The following DLG2 variants were observed in gnomAD, a reference collection of about 807,000 sequenced individuals.
DLG2 encodes discs large MAGUK scaffold protein 2, also known as disks large homolog 2.
DLG2 carries 45 observed loss-of-function variants against 132.5 expected under a neutral mutation model. The observed-to-expected ratio is 0.34, with a 90% CI of 0.27 to 0.44. The LOEUF (loss-of-function observed/expected upper bound fraction) is 0.44. DLG2 is among the 20% of genes least tolerant of loss of function. The pLI is 1.00. For synonymous variants in DLG2, 424 were observed against 419.6 expected (o/e 1.01, Z -0.13); for missense variants, 1,045 against 1,196.9 (o/e 0.87, Z 1.87).
At chr11:83,709,979 T>G (rs1335767371) in intron 18 of DLG2, among the ~76,000 whole-genome samples, 2 of 152,152 alleles carry the variant, frequency 1.3e-5, no homozygotes, top group Non-Finnish European at 2.9e-5. Context: ...GTCTCACTGT[T>G]GTGGGTGAGC....
chr11:83,600,711 C>G (rs557632143), intron 19 of DLG2, among the ~76,000 whole-genome samples: 1 of 152,350 alleles, frequency 6.6e-6, no homozygotes, highest in South Asian at 2.1e-4. Context: ...TCTGAAAACT[C>G]CTACCTTTCC....
intron 6 of DLG2, among the ~76,000 whole-genome samples, chr11:84,646,562 G>A (rs1639237089): frequency 6.6e-6 from 1 of 151,702 alleles, no homozygotes; most frequent in Non-Finnish European, 1.5e-5. Context: ...TTACTTGGAT[G>A]TTTCAGTCTG....
At chr11:85,193,432 G>C (rs1456052346) in intron 4 of DLG2, among the ~76,000 whole-genome samples, 1 of 152,130 alleles carries the variant, frequency 6.6e-6, no homozygotes, top group African/African-American at 2.4e-5. Flanking sequence ...TATATACCTA[G>C]AAGTGGAATT....
chr11:85,592,153 T>C (rs1591104512), intron 3 of DLG2, among the ~76,000 whole-genome samples: 2 of 152,376 alleles, frequency 1.3e-5, no homozygotes, highest in Admixed American at 1.3e-4. Flanking sequence ...ACTTTCTTAA[T>C]TGACCTTAAG....
At chr11:85,218,739 C>G (rs892124614) in intron 4 of DLG2, among the ~76,000 whole-genome samples, 3 of 152,072 alleles carry the variant, frequency 2.0e-5, no homozygotes, top group Admixed American at 2.0e-4. Context: ...GAAAATAAGT[C>G]ATTCTACCAA....
intron 3 of DLG2, among the ~76,000 whole-genome samples, chr11:85,516,781 A>C (rs1198076941): frequency 6.6e-6 from 1 of 152,078 alleles, no homozygotes; most frequent in African/African-American, 2.4e-5. Flanking sequence ...TCAGTAATAA[A>C]AACTTTCCCA....
At chr11:85,324,294 T>G (rs2152830406) in intron 3 of DLG2, among the ~76,000 whole-genome samples, 1 of 152,286 alleles carries the variant, frequency 6.6e-6, no homozygotes, top group South Asian at 2.1e-4. Context: ...ACCGCCTTGT[T>G]GACATCACAC....
chr11:84,928,835 A>G (rs1410890164), intron 6 of DLG2, among the ~76,000 whole-genome samples: 1 of 151,154 alleles, frequency 6.6e-6, no homozygotes, highest in South Asian at 2.1e-4. Flanking sequence ...TAATGCATTT[A>G]TATACCTGGA....
intron 18 of DLG2, among the ~76,000 whole-genome samples, chr11:83,783,855 C>G (rs913737872): frequency 1.3e-5 from 2 of 152,060 alleles, no homozygotes; most frequent in Admixed American, 6.5e-5. Context: ...TTCCATAATT[C>G]CTAGAAATAC....
chr11:83,596,525 C>T (rs952227799), intron 19 of DLG2, among the ~76,000 whole-genome samples: 4 of 152,250 alleles, frequency 2.6e-5, no homozygotes, highest in South Asian at 4.1e-4. Flanking sequence ...GTTTACCAAC[C>T]TCTGGTCTCA....
At chr11:84,679,826 C>T (rs373480739) in intron 6 of DLG2, among the ~76,000 whole-genome samples, 30 of 152,160 alleles carry the variant, frequency 2.0e-4, no homozygotes, top group African/African-American at 7.2e-4. Flanking sequence ...CAGTCTGGAT[C>T]CAGACCCCAG....
chr11:84,190,906 A>AG (rs1176016846), intron 8 of DLG2, among the ~76,000 whole-genome samples: 1 of 152,250 alleles, frequency 6.6e-6, no homozygotes, highest in Non-Finnish European at 1.5e-5. Context: ...ATTGATAAAG[A>AG]GAAAAAATGA....
intron 6 of DLG2, among the ~76,000 whole-genome samples, chr11:84,840,765 C>T (rs1016467731): frequency 2.0e-5 from 3 of 152,012 alleles, no homozygotes; most frequent in Admixed American, 1.3e-4. Flanking sequence ...ACTACATGTT[C>T]TCACTCATAG....
chr11:83,989,633 C>T (rs899421831), intron 11 of DLG2, among the ~76,000 whole-genome samples: 1 of 152,180 alleles, frequency 6.6e-6, no homozygotes, highest in African/African-American at 2.4e-5. Context: ...ACCAACATGT[C>T]TTCAGATTCC....
chr11:83,983,126 A>T (rs2092944765), intron 11 of DLG2, among the ~76,000 whole-genome samples: 1 of 152,120 alleles, frequency 6.6e-6, no homozygotes, highest in Admixed American at 6.6e-5. Flanking sequence ...TTATTATGAG[A>T]TCATTTTAAA....
intron 15 of DLG2, among the ~76,000 whole-genome samples, chr11:83,889,995 G>T (rs927685227): frequency 6.6e-6 from 1 of 151,636 alleles, no homozygotes; most frequent in African/African-American, 2.4e-5. Context: ...AGCTTTCGGA[G>T]ATATACCTAA....
intron 4 of DLG2, 78 bp from the exon 5 acceptor site, chr11:85,154,729 A>T: frequency 2.9e-6 from 2 of 692,750 alleles, no homozygotes; most frequent in Non-Finnish European, 4.7e-6. Context: ...TTGAATATAC[A>T]CATTAAAATA....
At chr11:85,588,645 C>T (rs1010325002) in intron 3 of DLG2, among the ~76,000 whole-genome samples, 1 of 152,042 alleles carries the variant, frequency 6.6e-6, no homozygotes, top group African/African-American at 2.4e-5. Flanking sequence ...CCTTGAGTAA[C>T]TTAATTATCA....
At chr11:83,981,181 T>G (rs1197480778) in intron 11 of DLG2, among the ~76,000 whole-genome samples, 1 of 152,192 alleles carries the variant, frequency 6.6e-6, no homozygotes, top group African/African-American at 2.4e-5. Context: ...TAAGTTACAC[T>G]GTTTATATAC....
Sources: gnomAD v4.1 joint callset for allele counts (sites outside exome capture counted in the v4.1 genomes callset) on GRCh38, gnomAD v4.1.1 for gene constraint, MANE v1.5 for transcripts, NCBI Gene and HGNC (gene_info 2026-07-23, HGNC 2026-07-21) for gene names.